Variants in CSTPP1 observed in about 807,000 individuals in gnomAD.
The protein encoded by CSTPP1 is UPF0705 protein C11orf49.
the CSTPP1 span, among the ~76,000 whole-genome samples, chr11:47,130,149 C>T: frequency 4.2e-4 from 63 of 151,648 alleles, no homozygotes; most frequent in South Asian, 0.013. Flanking sequence ...CCCAGGTACT[C>T]GGGAGGCTGA....
At chr11:46,958,441 T>C in the CSTPP1 span, among the ~76,000 whole-genome samples, 1 of 152,232 alleles carries the variant, frequency 6.6e-6, no homozygotes. Context: ...TTAATAGTTA[T>C]GTTTTGGGGG....
At chr11:47,095,838 G>A in the CSTPP1 span, among the ~76,000 whole-genome samples, 1 of 152,122 alleles carries the variant, frequency 6.6e-6, no homozygotes, top group African/African-American at 2.4e-5. Context: ...GACATTGAGA[G>A]TACCATTGCA....
At chr11:47,064,154 C>T in the CSTPP1 span, among the ~76,000 whole-genome samples, 59 of 152,216 alleles carry the variant, frequency 3.9e-4, no homozygotes, top group South Asian at 0.012. Flanking sequence ...AGCCCTTTGC[C>T]CTTTTTGAAT....
chr11:47,161,501 G>C, the CSTPP1 span: 1 of 1,614,134 alleles, frequency 6.2e-7, no homozygotes, highest in Non-Finnish European at 8.5e-7. Flanking sequence ...CTCGGTCACA[G>C]CCAGTCCAGA....
chr11:47,104,057 G>T, the CSTPP1 span, among the ~76,000 whole-genome samples: 1 of 152,056 alleles, frequency 6.6e-6, no homozygotes, highest in African/African-American at 2.4e-5. Context: ...CTATAACTTT[G>T]AGGAAAGAGA....
At chr11:47,012,152 A>G in the CSTPP1 span, among the ~76,000 whole-genome samples, 2 of 151,986 alleles carry the variant, frequency 1.3e-5, no homozygotes, top group African/African-American at 4.8e-5. Context: ...ACACACCTAT[A>G]GTCCCAGCTA....
At chr11:46,991,834 G>T in the CSTPP1 span, among the ~76,000 whole-genome samples, 27 of 152,146 alleles carry the variant, frequency 1.8e-4, no homozygotes, top group African/African-American at 6.3e-4. Context: ...TCCGTCTCCC[G>T]GGTTCAAGAG....
the CSTPP1 span, among the ~76,000 whole-genome samples, chr11:47,079,881 G>A: frequency 1.3e-5 from 2 of 150,334 alleles, no homozygotes; most frequent in Non-Finnish European, 3.0e-5. Flanking sequence ...ATCACTTGAG[G>A]TCAGGAGTTC....
the CSTPP1 span, among the ~76,000 whole-genome samples, chr11:47,099,589 C>T: frequency 3.3e-5 from 5 of 152,320 alleles, no homozygotes; most frequent in Middle Eastern, 3.4e-3. Context: ...GCTTGCTTTT[C>T]CTCTCAAAGC....
At chr11:47,119,602 CTTTTTTTTTTT>C in the CSTPP1 span, among the ~76,000 whole-genome samples, 1 of 61,876 alleles carries the variant, frequency 1.6e-5, no homozygotes, top group Non-Finnish European at 2.8e-5. Context: ...CTGCCCACTT[CTTTTTTTTTTT>C]TTTTTTTTTT....
chr11:47,072,172 T>C, the CSTPP1 span, among the ~76,000 whole-genome samples: 6 of 152,238 alleles, frequency 3.9e-5, no homozygotes, highest in African/African-American at 1.2e-4. Flanking sequence ...TCGCACCCAG[T>C]TGGCTGCTGT....
At chr11:47,076,064 A>C in the CSTPP1 span, among the ~76,000 whole-genome samples, 6 of 152,188 alleles carry the variant, frequency 3.9e-5, no homozygotes, top group Admixed American at 3.9e-4. Flanking sequence ...CCCTCCCCCA[A>C]CTTCAAGCAT....
the CSTPP1 span, among the ~76,000 whole-genome samples, chr11:47,070,478 A>G: frequency 8.5e-5 from 13 of 152,318 alleles, no homozygotes; most frequent in South Asian, 2.7e-3. Context: ...GTACTCGACC[A>G]CAGCCAGCAG....
At chr11:47,125,217 C>A in the CSTPP1 span, among the ~76,000 whole-genome samples, 543 of 152,252 alleles carry the variant, frequency 3.6e-3, 2 homozygotes, top group Middle Eastern at 6.8e-3. Context: ...TATCTATATC[C>A]AGTCTTCTTT....
chr11:47,158,180 G>A, the CSTPP1 span, among the ~76,000 whole-genome samples: 4 of 152,286 alleles, frequency 2.6e-5, no homozygotes, highest in East Asian at 7.7e-4. Context: ...GAAGCGCCCA[G>A]CCCCTCCTCA....
chr11:46,950,391 T>C, the CSTPP1 span, among the ~76,000 whole-genome samples: 5 of 151,786 alleles, frequency 3.3e-5, no homozygotes, highest in Admixed American at 1.3e-4. Flanking sequence ...GCCAGGATGG[T>C]CTCGATCTCC....
the CSTPP1 span, chr11:47,156,893 ACACCATGCC>A: frequency 1.2e-6 from 1 of 850,816 alleles, no homozygotes; most frequent in African/African-American, 1.7e-5. Flanking sequence ...TGCTCTCAGG[ACACCATGCC>A]CTGAGCACTG....
chr11:47,031,633 G>T, the CSTPP1 span, among the ~76,000 whole-genome samples: 1 of 151,970 alleles, frequency 6.6e-6, no homozygotes, highest in Non-Finnish European at 1.5e-5. Context: ...GGAGTTTGAG[G>T]CTACAGTGAG....
the CSTPP1 span, among the ~76,000 whole-genome samples, chr11:47,012,694 A>G: frequency 6.6e-6 from 1 of 152,120 alleles, no homozygotes; most frequent in East Asian, 1.9e-4. Flanking sequence ...GACTGGATTC[A>G]CGATGGGAGC....
Sources: allele counts gnomAD v4.1 joint callset (sites outside exome capture counted in the v4.1 genomes callset), GRCh38; gene constraint gnomAD v4.1.1; transcripts MANE v1.5; gene names NCBI Gene and HGNC (gene_info 2026-07-23, HGNC 2026-07-21).